IL1RAPL2: variants seen among roughly 807,000 people sequenced by gnomAD.
IL1RAPL2 encodes the protein interleukin 1 receptor accessory protein like 2.
In IL1RAPL2, 3 loss-of-function variants were observed where a neutral mutation model predicts 44.1. The observed-to-expected ratio is 0.07, with a 90% CI of 0.03 to 0.18. IL1RAPL2 has a LOEUF of 0.18. IL1RAPL2 is among the 10% of genes least tolerant of loss of function. IL1RAPL2 has a pLI of 1.00. For missense variants in IL1RAPL2, 391 were observed against 496.4 expected (o/e 0.79, Z 2.02); for synonymous variants, 181 against 178.8 (o/e 1.01, Z -0.10).
At chrX:104,685,324 C>G (rs375203896) in intron 2 of IL1RAPL2, among the ~76,000 whole-genome samples, 1 of 111,882 alleles carries the variant, frequency 8.9e-6, no homozygotes, top group East Asian at 2.8e-4. Flanking sequence ...AAAATTTGTT[C>G]TCTTCTTGCT....
chrX:105,535,448 C>T (rs2036670445), intron 6 of IL1RAPL2, among the ~76,000 whole-genome samples: 2 of 111,942 alleles, frequency 1.8e-5, no homozygotes, highest in East Asian at 5.6e-4. Context: ...TACCATCCCA[C>T]TGTGAGGTAT....
At chrX:104,567,268 G>T (rs1431897649) in intron 1 of IL1RAPL2, among the ~76,000 whole-genome samples, 2 of 112,984 alleles carry the variant, frequency 1.8e-5, no homozygotes, top group African/African-American at 6.4e-5. Flanking sequence ...GGGGCTCTTC[G>T]CCTGGGAGGA....
rs1327459020 is a variant in IL1RAPL2, at chrX:105,420,708, G to A, written c.698-63605G>A. Among the ~76,000 whole-genome samples the A allele has an allele frequency of 4.5e-5, 5 of 112,039 alleles. No individual in the cohort carries two copies. In the Admixed American group the frequency reaches 4.7e-4, roughly 11 times the overall value. ...ATGGCTTCTAATAACTTAAATGTTG[G>A]CTGAGTATTTAAGATTAAGATTTGC... On this transcript the variant is annotated intron_variant, in intron 5 of 10. Transcript: ENST00000372582.
intron 2 of IL1RAPL2, among the ~76,000 whole-genome samples, chrX:104,876,616 T>TCA (rs1333963156): frequency 9.3e-6 from 1 of 107,044 alleles, no homozygotes; most frequent in East Asian, 2.9e-4. Context: ...AAAAACTGGT[T>TCA]CACACACACA....
chrX:104,914,241 A>C (rs1157380378), intron 2 of IL1RAPL2, among the ~76,000 whole-genome samples: 1 of 111,928 alleles, frequency 8.9e-6, no homozygotes, highest in Non-Finnish European at 1.9e-5. Context: ...CAACATTGGA[A>C]ATCGAAATTG....
chrX:104,925,029 A>G (rs746178418), intron 2 of IL1RAPL2, among the ~76,000 whole-genome samples: 1 of 110,671 alleles, frequency 9.0e-6, no homozygotes, highest in East Asian at 2.8e-4. Context: ...TAGTTCTGAT[A>G]TCACAGAACT....
At chrX:104,706,411 C>T (rs1291343433) in intron 2 of IL1RAPL2, among the ~76,000 whole-genome samples, 2 of 111,538 alleles carry the variant, frequency 1.8e-5, no homozygotes, top group East Asian at 2.8e-4. Context: ...ACTAAGGTTC[C>T]GGTTATAGAA....
intron 7 of IL1RAPL2, among the ~76,000 whole-genome samples, chrX:105,722,150 AC>A (rs1283397307): frequency 8.9e-6 from 1 of 112,194 alleles, no homozygotes; most frequent in Non-Finnish European, 1.9e-5. Context: ...ACAAACCTGT[AC>A]AGCATATTAT....
intron 6 of IL1RAPL2, among the ~76,000 whole-genome samples, chrX:105,544,296 A>AT (rs768502122): frequency 9.0e-6 from 1 of 111,114 alleles, no homozygotes; most frequent in East Asian, 2.8e-4. Context: ...AGTTATAGAT[A>AT]TTTTTGTAGA....
intron 6 of IL1RAPL2, among the ~76,000 whole-genome samples, chrX:105,513,418 T>C (rs1200027421): frequency 1.8e-5 from 2 of 111,640 alleles, no homozygotes; most frequent in East Asian, 5.7e-4. Flanking sequence ...CTCCACATCC[T>C]CTCTAGCATC....
intron 2 of IL1RAPL2, among the ~76,000 whole-genome samples, chrX:104,976,083 C>T (rs773214851): frequency 5.4e-5 from 6 of 111,047 alleles, no homozygotes; most frequent in Non-Finnish European, 7.5e-5. Context: ...CGTAAAATGT[C>T]GTTATAATGT....
At chrX:105,347,264 A>G (rs2035117745) in intron 5 of IL1RAPL2, among the ~76,000 whole-genome samples, 1 of 111,588 alleles carries the variant, frequency 9.0e-6, no homozygotes, top group African/African-American at 3.3e-5. Context: ...ATAGAGTATA[A>G]TGGTCTCTGG....
intron 2 of IL1RAPL2, among the ~76,000 whole-genome samples, chrX:104,793,576 G>A (rs1398663188): frequency 2.7e-5 from 3 of 111,755 alleles, no homozygotes; most frequent in Non-Finnish European, 3.8e-5. Flanking sequence ...CAAATTAATT[G>A]CTATTTAGGT....
intron 2 of IL1RAPL2, among the ~76,000 whole-genome samples, chrX:104,825,744 A>G (rs752813725): frequency 2.7e-5 from 3 of 112,192 alleles, no homozygotes; most frequent in East Asian, 2.8e-4. Flanking sequence ...CAGTTGCTCC[A>G]GTAATCCTGC....
chrX:105,343,545 G>T (rs1345195040), intron 5 of IL1RAPL2, among the ~76,000 whole-genome samples: 2 of 111,520 alleles, frequency 1.8e-5, no homozygotes, highest in Non-Finnish European at 3.8e-5. Context: ...ATGATCCATT[G>T]AATATACCAT....
chrX:105,154,876 T>C (rs1405392568), intron 2 of IL1RAPL2, among the ~76,000 whole-genome samples: 4 of 111,776 alleles, frequency 3.6e-5, no homozygotes, highest in African/African-American at 1.3e-4. Flanking sequence ...ATGAGCTCAC[T>C]TAGCCTAAAA....
chrX:105,428,810 C>T (rs1255833025), intron 5 of IL1RAPL2, among the ~76,000 whole-genome samples: 3 of 111,003 alleles, frequency 2.7e-5, no homozygotes, highest in Non-Finnish European at 5.7e-5. Flanking sequence ...CCATGCTTTA[C>T]GTAAAATGAG....
At chrX:104,677,987 C>T (rs1335257072) in intron 2 of IL1RAPL2, among the ~76,000 whole-genome samples, 1 of 112,307 alleles carries the variant, frequency 8.9e-6, no homozygotes, top group Non-Finnish European at 1.9e-5. Flanking sequence ...CTGACCTGCG[C>T]CCACTGTCTG....
At chrX:105,664,729 C>G (rs1409004139) in intron 6 of IL1RAPL2, among the ~76,000 whole-genome samples, 4 of 111,796 alleles carry the variant, frequency 3.6e-5, no homozygotes, top group Non-Finnish European at 7.5e-5. Context: ...AGGCTGATTA[C>G]ATACAATACT....
Sources: gnomAD v4.1 joint callset for allele counts (sites outside exome capture counted in the v4.1 genomes callset) on GRCh38, gnomAD v4.1.1 for gene constraint, MANE v1.5 for transcripts, NCBI Gene and HGNC (gene_info 2026-07-23, HGNC 2026-07-21) for gene names.